The following CALHM4 variants were observed in gnomAD, a reference collection of about 807,000 sequenced individuals.
CALHM4 encodes the protein calcium homeostasis modulator protein 4.
Under a neutral mutation model 13.3 loss-of-function variants are expected in CALHM4, and 16 were observed. That is an observed-to-expected ratio of 1.20 (90% confidence interval 0.81 to 1.82). The LOEUF (loss-of-function observed/expected upper bound fraction) is 1.82. Among genes scored for constraint, CALHM4 ranks in the 40% most tolerant of loss-of-function variants. The pLI is 0.00. For synonymous variants in CALHM4, 127 were observed against 137.1 expected (o/e 0.93, Z 0.52); for missense variants, 344 against 374.9 (o/e 0.92, Z 0.68).
chr6:116,558,036 G>T lies in CALHM4; in HGVS notation c.770G>T (p.Gly257Val), dbSNP rs1354693015. The T allele has an allele frequency of 6.2e-7, 1 of 1,614,128 alleles. No homozygotes were observed. The highest frequency in any genetic ancestry group is 8.5e-7 in the Non-Finnish European group (1 of 1,180,012). Residue 257 changes from glycine (G) to valine (V), a missense_variant, in exon 2 of 2, where the codon GGG (glycine) becomes GTG (valine). By Grantham distance (109) the Gly-to-Val change is moderately radical. Transcript: ENST00000368596. The part of the protein sequence containing the change: ...RIKKLFGFIP[G>V]SEDVKHIRIP... ...AAGAAGCTATTTGGCTTCATTCCCG[G>T]GAGTGAAGACGTCAAACACATCCGC...
intron 1 of CALHM4, among the ~76,000 whole-genome samples, chr6:116,557,157 C>T (rs1203413790): frequency 6.6e-6 from 1 of 151,960 alleles, no homozygotes; most frequent in East Asian, 1.9e-4. Flanking sequence ...AGGCTATTCT[C>T]AAACTCCTGG....
chr6:116,534,649 C>T (rs1772959744), intron 1 of CALHM4, among the ~76,000 whole-genome samples: 1 of 152,156 alleles, frequency 6.6e-6, no homozygotes, highest in Admixed American at 6.5e-5. Flanking sequence ...CAAAATTCAC[C>T]ACTTAGATTT....
Position 116,558,090 on chromosome 6 carries a change from T to C in CALHM4, c.824T>C (p.Ile275Thr), listed in dbSNP as rs975555189. The C allele has an allele frequency of 3.7e-6, 6 of 1,614,150 alleles. No homozygotes were observed. In the Admixed American group the frequency reaches 6.7e-5, roughly 18 times the overall value. ...CCTTCTTGTCAGGACTGGAAAGATA[T>C]TTCAGTACCCACTCTTTTATGCATG... The part of the protein sequence containing the change: ...RIPSCQDWKD[I>T]SVPTLLCMGD... The change falls in exon 2 of 2, where the codon ATT becomes ACT. Residue 275 changes from isoleucine (I) to threonine (T), a missense_variant. By Grantham distance (89) the Ile-to-Thr change is moderately conservative. Coordinates refer to ENST00000368596, the MANE Select transcript of CALHM4 (RefSeq NM_001366078.2).
In CALHM4 at chr6:116,553,845, T is replaced by G; in HGVS notation, c.52T>G (p.Phe18Val). 2.6e-6 allele frequency: 4 copies of G among 1,550,644 alleles called. No individual in the cohort carries two copies. The highest frequency in any genetic ancestry group is 3.5e-6 in the Non-Finnish European group (4 of 1,147,010). ...IVSSLQRNGI[F>V]INSLIAALTI... is the part of the protein sequence containing the mutation. ...GTCTTCTCTGCAGAGAAATGGAATATTTATCAATTCTTTAATTGCAGCCTT... is the reference window on the plus strand; with the variant it reads ...GTCTTCTCTGCAGAGAAATGGAATAGTTATCAATTCTTTAATTGCAGCCTT... The change falls in exon 1 of 2, where the codon TTT becomes GTT. Residue 18 changes from phenylalanine (F) to valine (V), a missense_variant. Physicochemically the swap from Phe to Val is conservative, Grantham distance 50. Coordinates refer to ENST00000368596, the MANE Select transcript of CALHM4 (RefSeq NM_001366078.2).
chr6:116,556,201 C>T (rs530037676), intron 1 of CALHM4, among the ~76,000 whole-genome samples: 62 of 152,296 alleles, frequency 4.1e-4, no homozygotes, highest in Non-Finnish European at 7.5e-4. Flanking sequence ...CCCTGATAAT[C>T]CTTTCCCTTA....
chr6:116,541,232 A>T (rs554701257), intron 1 of CALHM4, among the ~76,000 whole-genome samples: 7 of 152,346 alleles, frequency 4.6e-5, no homozygotes, highest in Admixed American at 1.3e-4. Context: ...AAACGACTAG[A>T]TTTCCCAGAA....
intron 1 of CALHM4, chr6:116,543,377 G>T (rs1250498413): frequency 9.0e-6 from 14 of 1,549,706 alleles, no homozygotes; most frequent in African/African-American, 1.4e-5. Context: ...GAGCTCCATA[G>T]GTAAGGACAA....
chr6:116,540,032 C>T (rs1299776281), intron 1 of CALHM4, among the ~76,000 whole-genome samples: 1 of 152,130 alleles, frequency 6.6e-6, no homozygotes, highest in African/African-American at 2.4e-5. Context: ...TGAAAATTAT[C>T]GTAAAGAAAC....
upstream of CALHM4, among the ~76,000 whole-genome samples, chr6:116,552,304 T>C (rs1167414153): frequency 6.6e-6 from 1 of 152,200 alleles, no homozygotes; most frequent in Non-Finnish European, 1.5e-5. Flanking sequence ...AGAATATCTA[T>C]TTTTTCACAT....
intron 1 of CALHM4, among the ~76,000 whole-genome samples, chr6:116,556,062 T>C (rs1232193439): frequency 2.0e-5 from 3 of 152,244 alleles, no homozygotes; most frequent in African/African-American, 7.2e-5. Context: ...TGAGTCCAAA[T>C]GTGTTGAGGT....
At chr6:116,536,045 GT>G (rs1009915990) in intron 1 of CALHM4, among the ~76,000 whole-genome samples, 27 of 152,242 alleles carry the variant, frequency 1.8e-4, no homozygotes, top group African/African-American at 6.5e-4. Context: ...TGCTATTAAA[GT>G]TTTTCAATAC....
intron 2 of CALHM4, chr6:116,545,513 AT>A (rs1417734928): frequency 2.6e-6 from 4 of 1,547,096 alleles, no homozygotes; most frequent in Non-Finnish European, 2.6e-6. Context: ...AGGGCGAGAC[AT>A]AGTGCTTGAT....
intron 1 of CALHM4, chr6:116,540,434 C>T (rs866454358): frequency 6.4e-7 from 1 of 1,551,306 alleles, no homozygotes; most frequent in Non-Finnish European, 8.7e-7. Context: ...AAAAAGTCTT[C>T]CACAAGCCGC....
chr6:116,535,705 G>T (rs1426538507), intron 1 of CALHM4, among the ~76,000 whole-genome samples: 2 of 152,034 alleles, frequency 1.3e-5, no homozygotes, highest in Non-Finnish European at 2.9e-5. Context: ...AATCAGCTAT[G>T]GTAATTCTAC....
chr6:116,553,201 ATT>A (rs921093146), upstream of CALHM4, among the ~76,000 whole-genome samples: 2 of 152,252 alleles, frequency 1.3e-5, no homozygotes, highest in African/African-American at 4.8e-5. Context: ...CAGATTTAAA[ATT>A]TTTATGCAAA....
intron 1 of CALHM4, among the ~76,000 whole-genome samples, chr6:116,540,757 C>T (rs955257758): frequency 2.6e-5 from 4 of 152,130 alleles, no homozygotes; most frequent in Admixed American, 1.3e-4. Flanking sequence ...AGGCTGGTTT[C>T]TGTAGCCTAA....
chr6:116,536,930 C>T (rs894724730), intron 1 of CALHM4, among the ~76,000 whole-genome samples: 3 of 152,112 alleles, frequency 2.0e-5, no homozygotes, highest in African/African-American at 4.8e-5. Flanking sequence ...GCCACAGGCC[C>T]GACGTTTGGA....
upstream of CALHM4, among the ~76,000 whole-genome samples, chr6:116,550,873 T>C (rs1047940143): frequency 2.0e-5 from 3 of 152,222 alleles, no homozygotes; most frequent in African/African-American, 4.8e-5. Flanking sequence ...GGTCAAATAA[T>C]GGCCAAGTTG....
At chr6:116,547,708 G>A (rs1415143201) in intron 2 of CALHM4, among the ~76,000 whole-genome samples, 1 of 152,132 alleles carries the variant, frequency 6.6e-6, no homozygotes, top group Non-Finnish European at 1.5e-5. Flanking sequence ...GTTTCAAGCG[G>A]GTACATGATC....
Sources: gnomAD v4.1 joint callset for allele counts (sites outside exome capture counted in the v4.1 genomes callset) on GRCh38, gnomAD v4.1.1 for gene constraint, MANE v1.5 for transcripts, NCBI Gene and HGNC (gene_info 2026-07-23, HGNC 2026-07-21) for gene names.